Variants in ERN1 observed in about 807,000 individuals in gnomAD.
ERN1 encodes serine/threonine-protein kinase/endoribonuclease IRE1.
In ERN1, 39 loss-of-function variants were observed where a neutral mutation model predicts 113.1. The observed-to-expected ratio is 0.34, with a 90% CI of 0.27 to 0.45. The LOEUF (loss-of-function observed/expected upper bound fraction) is 0.45. Among genes scored for constraint, ERN1 ranks in the 20% least tolerant of loss-of-function variants. The pLI is 1.00. For synonymous variants in ERN1, 507 were observed against 515.9 expected (o/e 0.98, Z 0.23); for missense variants, 976 against 1,274.8 (o/e 0.77, Z 3.57).
At chr17:64,082,089 C>T (rs754480186) in intron 2 of ERN1, among the ~76,000 whole-genome samples, 22 of 152,328 alleles carry the variant, frequency 1.4e-4, no homozygotes, top group Non-Finnish European at 2.8e-4. Flanking sequence ...GCTGTCCAAT[C>T]CATCCAATTA....
chr17:64,079,070 A>G (rs76959113), intron 4 of ERN1, among the ~76,000 whole-genome samples: 2,578 of 152,258 alleles, frequency 0.017, 27 homozygotes, highest in Non-Finnish European at 0.029. Context: ...TCAGATGACC[A>G]TATGTGTGGG....
intron 1 of ERN1, among the ~76,000 whole-genome samples, chr17:64,123,624 G>A (rs1348064293): frequency 6.6e-6 from 1 of 152,108 alleles, no homozygotes; most frequent in African/African-American, 2.4e-5. Flanking sequence ...GGGGGAGAGG[G>A]CTGTAAAATA....
At chr17:64,073,000 T>C (rs1451006327) in intron 5 of ERN1, among the ~76,000 whole-genome samples, 1 of 130,282 alleles carries the variant, frequency 7.7e-6, no homozygotes, top group Admixed American at 8.9e-5. Context: ...ACAGAGCCTT[T>C]GAAATTTTTT....
rs768664089 is a variant in ERN1 at position 64,053,227 on chromosome 17, T to C, written c.2053+45A>G. On this transcript the variant is annotated intron_variant, in intron 16 of 21. Coordinates refer to ENST00000433197, the MANE Select transcript of ERN1 (RefSeq NM_001433.5). The stretch of plus-strand genomic sequence containing the variant: ...TGGTTAGCCCCACCTGGGCCACTGA[T>C]TCTCCCCACCCGGGCCGCTGGCCTG... 11 of 1,504,136 alleles carry C rather than the reference T, an allele frequency of 7.3e-6. No homozygotes were observed. In the African/African-American group the frequency reaches 1.2e-4, roughly 17 times the overall value. 93.2% of individuals were successfully genotyped at this position (1,504,136 alleles called of 1,614,324 possible). A position where few individuals can be genotyped will look rare whatever the true frequency, so the allele number is the denominator to read the frequency against.
intron 18 of ERN1, 64 bp downstream of exon 18, chr17:64,048,991 G>T: frequency 6.9e-7 from 1 of 1,459,140 alleles, no homozygotes; most frequent in Non-Finnish European, 9.2e-7. Flanking sequence ...CACCAGCCCA[G>T]CTCTGCAGGG....
intron 1 of ERN1, among the ~76,000 whole-genome samples, chr17:64,124,451 G>A (rs773857843): frequency 5.3e-5 from 8 of 152,270 alleles, no homozygotes; most frequent in East Asian, 3.9e-4. Flanking sequence ...GAGGGACCCC[G>A]TGGGAGACAA....
intron 2 of ERN1, among the ~76,000 whole-genome samples, chr17:64,094,829 A>G (rs1383917505): frequency 6.6e-6 from 1 of 151,688 alleles, no homozygotes; most frequent in Non-Finnish European, 1.5e-5. Flanking sequence ...TCTCGTCACT[A>G]CTAAGTAACT....
At chr17:64,061,367 T>C (rs1336099932) in intron 10 of ERN1, among the ~76,000 whole-genome samples, 1 of 152,210 alleles carries the variant, frequency 6.6e-6, no homozygotes, top group African/African-American at 2.4e-5. Flanking sequence ...CTGGCTGACT[T>C]TCCTTTCTGT....
intron 11 of ERN1, 93 bp from the exon 12 acceptor site, chr17:64,058,086 G>A (rs1004392647): frequency 3.1e-6 from 3 of 977,612 alleles, no homozygotes; most frequent in Admixed American, 5.9e-5. Flanking sequence ...TGTTTACAAG[G>A]ATATGACTGT....
chr17:64,057,419 A>T (rs1431877045), intron 12 of ERN1, among the ~76,000 whole-genome samples: 2 of 149,546 alleles, frequency 1.3e-5, no homozygotes, highest in African/African-American at 2.5e-5. Context: ...CCCAGGCTGG[A>T]GTGCAGTGGT....
rs75119713 is a variant in ERN1 at position 64,079,302 on chromosome 17, C to T, written c.282+360G>A. Reference sequence around the variant, plus strand: ...TCACATGACTCCCTTAAGGAGTCATCGGAAGGTGGGGCAGGTGGAGACAGC... The same window carrying T: ...TCACATGACTCCCTTAAGGAGTCATTGGAAGGTGGGGCAGGTGGAGACAGC... On this transcript the variant is annotated intron_variant, in intron 4 of 21. Coordinates refer to ENST00000433197, the MANE Select transcript of ERN1 (RefSeq NM_001433.5). Among the ~76,000 whole-genome samples, 1,125 of 152,236 alleles carry T rather than the reference C, an allele frequency of 7.4e-3. 5 individuals carry two copies. Among genetic ancestry groups the T allele is most frequent in the African/African-American group, 0.023 (958 of 41,532 alleles).
intron 13 of ERN1, 135 bp downstream of exon 13, chr17:64,055,540 C>T (rs977934314): frequency 2.3e-6 from 2 of 861,432 alleles, no homozygotes; most frequent in African/African-American, 3.5e-5. Flanking sequence ...CACAGAGACC[C>T]CCAGAGTGGA....
chr17:64,062,968 G>A (rs536387432), intron 10 of ERN1, among the ~76,000 whole-genome samples: 2 of 146,588 alleles, frequency 1.4e-5, no homozygotes, highest in South Asian at 4.1e-4. Context: ...CATAATACCT[G>A]GTTACACACA....
intron 2 of ERN1, among the ~76,000 whole-genome samples, chr17:64,087,148 T>C (rs1913958481): frequency 6.6e-6 from 1 of 152,166 alleles, no homozygotes; most frequent in Admixed American, 6.5e-5. Flanking sequence ...AATTTGCCTT[T>C]ATAACCCAAG....
intron 1 of ERN1, among the ~76,000 whole-genome samples, chr17:64,113,910 C>T (rs2143488116): frequency 6.6e-6 from 1 of 152,120 alleles, no homozygotes; most frequent in Middle Eastern, 3.4e-3. Context: ...TCTTGAACTC[C>T]TGACCTTGTG....
At chr17:64,106,663 G>A (rs977407457) in intron 1 of ERN1, among the ~76,000 whole-genome samples, 2 of 148,864 alleles carry the variant, frequency 1.3e-5, no homozygotes, top group African/African-American at 4.9e-5. Context: ...AGAAATACCA[G>A]TAAGACACTT....
chr17:64,045,120 C>T (rs144486154), intron 20 of ERN1, among the ~76,000 whole-genome samples, 193 bp from the exon 21 acceptor site: 2 of 152,112 alleles, frequency 1.3e-5, no homozygotes, highest in African/African-American at 4.8e-5. Context: ...GGTGATCACA[C>T]CCAGGTCAGA....
intron 2 of ERN1, among the ~76,000 whole-genome samples, chr17:64,082,836 G>A (rs1206796154): frequency 7.3e-6 from 1 of 137,926 alleles, no homozygotes; most frequent in Admixed American, 7.0e-5. Context: ...CTACATTGGT[G>A]TTTAAGAACT....
chr17:64,057,843 G>A lies in ERN1; in HGVS notation c.1357C>T (p.Leu453=), dbSNP rs774197381. 5.3e-5 allele frequency: 86 copies of A among 1,613,908 alleles called. No individual in the cohort carries two copies. Among genetic ancestry groups the A allele is most frequent in the Non-Finnish European group, 7.0e-5 (83 of 1,179,902 alleles). Residue 453 remains leucine, a synonymous_variant, in exon 12 of 22, where the codon CTG becomes TTG. Transcript: ENST00000433197. The part of the protein sequence containing the change: ...DMATIILSTF[L]LIGWVAFIIT... The stretch of plus-strand genomic sequence containing the variant: ...ATGAAGGCCACCCAGCCAATCAGCA[G>A]GAAGGTGCTCAGGATGATGGTAGCC...
Sources: gnomAD v4.1 joint callset for allele counts (sites outside exome capture counted in the v4.1 genomes callset) on GRCh38, gnomAD v4.1.1 for gene constraint, MANE v1.5 for transcripts, NCBI Gene and HGNC (gene_info 2026-07-23, HGNC 2026-07-21) for gene names.